CCDC178: variants seen among roughly 807,000 people sequenced by gnomAD.
CCDC178 encodes the protein coiled-coil domain-containing protein 178.
A neutral mutation model predicts 117.4 loss-of-function variants in CCDC178; 126 were observed. That is an observed-to-expected ratio of 1.07 (90% confidence interval 0.93 to 1.24). The LOEUF (loss-of-function observed/expected upper bound fraction) is 1.24, where lower values mean the gene tolerates loss of function less well. Ranked by LOEUF, CCDC178 falls within the 50% of genes most tolerant of loss-of-function variation. The pLI is 0.00. For missense variants in CCDC178, 1,030 were observed against 986.9 expected, an observed-to-expected ratio of 1.04 and a Z score of -0.59; for synonymous variants, 283 against 313.4, an observed-to-expected ratio of 0.90 and a Z score of 1.02.
At chr18:33,181,556 G>A (rs531507102) in intron 20 of CCDC178, among the ~76,000 whole-genome samples, 1 of 152,026 alleles carries the variant, frequency 6.6e-6, no homozygotes, top group East Asian at 1.9e-4. Context: ...AAAGAAAGGT[G>A]TTTTATAAAG....
At chr18:33,278,848 C>A (rs2059986538) in intron 12 of CCDC178, among the ~76,000 whole-genome samples, 1 of 152,076 alleles carries the variant, frequency 6.6e-6, no homozygotes, top group African/African-American at 2.4e-5. Flanking sequence ...GAACCAAAGA[C>A]AAAAACCACA....
chr18:33,031,881 A>G (rs1442601617), intron 21 of CCDC178, among the ~76,000 whole-genome samples: 1 of 152,174 alleles, frequency 6.6e-6, no homozygotes, highest in East Asian at 1.9e-4. Flanking sequence ...TATTCACACA[A>G]TATATAGAGC....
chr18:33,177,677 A>G lies in CCDC178; in HGVS notation c.2238+34219T>C, dbSNP rs114695726. Among the ~76,000 whole-genome samples, 770 of 152,336 alleles carry G rather than the reference A, an allele frequency of 5.1e-3. 9 individuals carry two copies. Among genetic ancestry groups the G allele is most frequent in the African/African-American group, 0.018 (732 of 41,578 alleles). ...TAACACAATCTATGCTTTTGAAAGAATAAGCTATAATGAATTTGTCTACCT... is the reference window on the plus strand; with the variant it reads ...TAACACAATCTATGCTTTTGAAAGAGTAAGCTATAATGAATTTGTCTACCT... On this transcript the variant is annotated intron_variant, in intron 20 of 22. Coordinates refer to ENST00000383096, the MANE Select transcript of CCDC178 (RefSeq NM_001105528.4).
chr18:33,364,910 C>T (rs531914470), intron 6 of CCDC178, among the ~76,000 whole-genome samples: 2 of 151,990 alleles, frequency 1.3e-5, no homozygotes, highest in Admixed American at 6.6e-5. Context: ...GGTTACATAA[C>T]ATCTTAAATT....
At chr18:33,166,944 A>G (rs1292459085) in intron 20 of CCDC178, among the ~76,000 whole-genome samples, 2 of 152,076 alleles carry the variant, frequency 1.3e-5, no homozygotes, top group African/African-American at 4.8e-5. Flanking sequence ...CTCCACCCTC[A>G]AGTAGGCCTT....
chr18:33,046,263 A>C (rs1387010128), intron 21 of CCDC178, among the ~76,000 whole-genome samples: 1 of 152,114 alleles, frequency 6.6e-6, no homozygotes, highest in East Asian at 1.9e-4. Flanking sequence ...AAAAATCTTA[A>C]GGTTTCTTCT....
intron 20 of CCDC178, among the ~76,000 whole-genome samples, chr18:33,104,375 G>A (rs183805831): frequency 1.2e-3 from 186 of 151,716 alleles, no homozygotes; most frequent in South Asian, 2.5e-3. Context: ...AATAGTTACC[G>A]AATTCATGGT....
chr18:32,939,552 T>G (rs1399184301), intron 22 of CCDC178, among the ~76,000 whole-genome samples: 1 of 152,196 alleles, frequency 6.6e-6, no homozygotes, highest in Non-Finnish European at 1.5e-5. Flanking sequence ...GAATGAATTT[T>G]CTTTTTATTG....
intron 20 of CCDC178, among the ~76,000 whole-genome samples, chr18:33,178,993 G>C (rs1288301372): frequency 7.2e-6 from 1 of 138,328 alleles, no homozygotes; most frequent in Non-Finnish European, 1.5e-5. Flanking sequence ...ACAATATCTG[G>C]CATGTGTTAG....
At chr18:33,181,572 C>T (rs986587501) in intron 20 of CCDC178, among the ~76,000 whole-genome samples, 13 of 151,792 alleles carry the variant, frequency 8.6e-5, no homozygotes, top group African/African-American at 1.9e-4. Flanking sequence ...TAAAGTTGAG[C>T]GTTGAATTTA....
chr18:33,206,086 T>C (rs1406250621), intron 20 of CCDC178, among the ~76,000 whole-genome samples: 12 of 152,214 alleles, frequency 7.9e-5, no homozygotes, highest in Non-Finnish European at 1.8e-4. Flanking sequence ...AAAAAGTTTT[T>C]TAAATAATGA....
chr18:33,230,610 G>C (rs749467926), intron 15 of CCDC178, among the ~76,000 whole-genome samples: 35 of 152,086 alleles, frequency 2.3e-4, no homozygotes, highest in Non-Finnish European at 4.4e-4. Context: ...AAATTAAAAA[G>C]ATGTTATTTT....
At chr18:33,094,994 G>A (rs2057522035) in intron 20 of CCDC178, among the ~76,000 whole-genome samples, 1 of 151,906 alleles carries the variant, frequency 6.6e-6, no homozygotes. Flanking sequence ...GTTTAATTGA[G>A]AGTCCACCTC....
chr18:32,987,871 G>A (rs903180743), intron 21 of CCDC178, among the ~76,000 whole-genome samples: 5 of 152,020 alleles, frequency 3.3e-5, no homozygotes, highest in African/African-American at 9.7e-5. Flanking sequence ...GCCGAGGCAG[G>A]TGGATCGCCT....
intron 3 of CCDC178, among the ~76,000 whole-genome samples, chr18:33,407,099 C>A (rs2063791987): frequency 6.6e-6 from 1 of 152,112 alleles, no homozygotes; most frequent in Non-Finnish European, 1.5e-5. Flanking sequence ...ACACATAATT[C>A]TTTAATCTGG....
intron 20 of CCDC178, among the ~76,000 whole-genome samples, chr18:33,114,031 C>A (rs2057818630): frequency 6.6e-6 from 1 of 151,956 alleles, no homozygotes; most frequent in South Asian, 2.1e-4. Flanking sequence ...AAAGAAAAAA[C>A]AGTAAGAATA....
chr18:33,395,957 G>C (rs1428114568), intron 4 of CCDC178, among the ~76,000 whole-genome samples: 1 of 151,810 alleles, frequency 6.6e-6, no homozygotes, highest in Non-Finnish European at 1.5e-5. Context: ...AAAAAGCTTT[G>C]ACTTGAAAAA....
chr18:32,968,375 C>T (rs2054859973), intron 22 of CCDC178, among the ~76,000 whole-genome samples: 2 of 151,774 alleles, frequency 1.3e-5, no homozygotes, highest in Non-Finnish European at 2.9e-5. Context: ...AGATATACTA[C>T]ATTCTCTTTA....
intron 18 of CCDC178, among the ~76,000 whole-genome samples, chr18:33,219,442 T>A (rs1469223666): frequency 6.6e-6 from 1 of 152,132 alleles, no homozygotes; most frequent in Non-Finnish European, 1.5e-5. Flanking sequence ...ACCCAAAGGA[T>A]TATAAATCAT....
Sources: gnomAD v4.1 joint callset for allele counts (sites outside exome capture counted in the v4.1 genomes callset) on GRCh38, gnomAD v4.1.1 for gene constraint, MANE v1.5 for transcripts, NCBI Gene and HGNC (gene_info 2026-07-23, HGNC 2026-07-21) for gene names.